Variants in MYO18A observed in about 807,000 individuals in gnomAD.
The protein encoded by MYO18A is unconventional myosin-XVIIIa.
A neutral mutation model predicts 235.8 loss-of-function variants in MYO18A; 78 were observed. The observed-to-expected ratio is 0.33, with a 90% confidence interval of 0.28 to 0.40. The LOEUF is 0.40. Among genes scored for constraint, MYO18A ranks in the 10% least tolerant of loss-of-function variants. The probability of loss-of-function intolerance (pLI) is 1.00; values close to 1 mark genes in which losing one functional copy is unlikely to be tolerated. For missense variants in MYO18A, 2,215 were observed against 2,699.3 expected (o/e 0.82, Z 3.98); for synonymous variants, 977 against 1,077.8 (o/e 0.91, Z 1.83).
chr17:29,091,271 A>C, intron 34 of MYO18A: 2 of 327,914 alleles, frequency 6.1e-6, no homozygotes, highest in Non-Finnish European at 5.9e-6. Context: ...GCCTGCGTGC[A>C]CTCTGCCCCC....
At chr17:29,114,528 C>A (rs951770841) in intron 14 of MYO18A, among the ~76,000 whole-genome samples, 1 of 152,216 alleles carries the variant, frequency 6.6e-6, no homozygotes. Context: ...CACCCTTTTA[C>A]AGAAGGCACT....
At chr17:29,179,869 C>G (rs957989875) in intron 1 of MYO18A, among the ~76,000 whole-genome samples, 9 of 152,112 alleles carry the variant, frequency 5.9e-5, no homozygotes, top group African/African-American at 2.2e-4. Context: ...TGCTCCCCTT[C>G]CCCGCTGCCT....
chr17:29,150,652 G>A (rs1264980889), intron 2 of MYO18A, among the ~76,000 whole-genome samples: 1 of 152,240 alleles, frequency 6.6e-6, no homozygotes, highest in Non-Finnish European at 1.5e-5. Context: ...GTAGCTACTA[G>A]CCATGAGTGG....
rs936841581 is a variant in MYO18A at position 29,090,941 on chromosome 17, A to G, written c.5188-15T>C. 5 of 1,608,904 alleles carry G rather than the reference A, an allele frequency of 3.1e-6. No individual in the cohort carries two copies. In the Admixed American group the frequency reaches 6.7e-5, roughly 21 times the overall value. On this transcript the variant is annotated splice_polypyrimidine_tract_variant and intron_variant, in intron 34 of 41. Transcript: ENST00000527372. The stretch of plus-strand genomic sequence containing the variant: ...TGCTCCTCCAGCTGGAGAGAGGCAA[A>G]GACAGATCAGAGGGCCTCAGGCCCA...
Position 29,106,961 on chromosome 17 carries a change from G to C in MYO18A, c.3441+119C>G. The C allele has an allele frequency of 1.0e-6, 1 of 973,354 alleles. No individual in the cohort carries two copies. Among genetic ancestry groups the C allele is most frequent in the South Asian group, 1.5e-5 (1 of 67,778 alleles). The allele number at this position is 973,354 out of a possible 1,614,324, so 60.3% of individuals were successfully genotyped here. A position where few individuals can be genotyped will look rare whatever the true frequency, so the allele number is the denominator to read the frequency against. Reference sequence around the variant, plus strand: ...GACACAGCTGGGTGCTTCCAAAACTGGGAGCCTGAGCAGGGCCAGATGAGC... The same window carrying C: ...GACACAGCTGGGTGCTTCCAAAACTCGGAGCCTGAGCAGGGCCAGATGAGC... On this transcript the variant is annotated intron_variant, in intron 20 of 41. Coordinates refer to ENST00000527372, the MANE Select transcript of MYO18A (RefSeq NM_078471.4). This position sits in a 1 kb window ranked among gnomAD's most constrained non-coding sequence, Gnocchi z 4.6.
intron 41 of MYO18A, 92 bp downstream of exon 41, chr17:29,082,224 C>T: frequency 6.5e-7 from 1 of 1,536,560 alleles, no homozygotes; most frequent in Non-Finnish European, 8.9e-7. Context: ...AGACAAGAGA[C>T]ACAGGCCTGC....
At chr17:29,113,586 C>G (rs775960505) in intron 15 of MYO18A, among the ~76,000 whole-genome samples, 14 of 152,208 alleles carry the variant, frequency 9.2e-5, no homozygotes, top group Admixed American at 9.2e-4. Context: ...TTGCACCAGT[C>G]CTCTACTTGG....
intron 2 of MYO18A, among the ~76,000 whole-genome samples, chr17:29,147,078 A>G (rs2067863096): frequency 6.6e-6 from 1 of 152,236 alleles, no homozygotes; most frequent in African/African-American, 2.4e-5. Context: ...GTGATCACAC[A>G]GATTGTGACT....
Position 29,150,683 on chromosome 17 carries a change from C to T in MYO18A, c.999+15259G>A, listed in dbSNP as rs573206509. 3.2e-4 allele frequency among the ~76,000 whole-genome samples: 48 copies of T among 152,308 alleles called. No individual in the cohort carries two copies. The Middle Eastern group carries it at 0.01, about 32-fold the overall frequency. ...AGTGGCTATTCAAATTGAAGCTGGC[C>T]GGGTGTTATGGCTCATGCCCATAAT... On this transcript the variant is annotated intron_variant, in intron 2 of 41. Coordinates refer to ENST00000527372, the MANE Select transcript of MYO18A (RefSeq NM_078471.4).
intron 2 of MYO18A, among the ~76,000 whole-genome samples, chr17:29,130,036 C>T (rs1308103023): frequency 1.3e-5 from 2 of 152,104 alleles, no homozygotes; most frequent in East Asian, 3.9e-4. Flanking sequence ...GTGGCTCACG[C>T]CTGTAATCCT....
At chr17:29,107,484 G>A (rs1053183573) in intron 19 of MYO18A, 1 of 337,302 alleles carries the variant, frequency 3.0e-6, no homozygotes. Context: ...ATGCAAATGG[G>A]GGGTTGTGGG....
At position 29,166,615 on chromosome 17, in the gene MYO18A, T is replaced by C. The variant is rs201816138; in HGVS notation, c.326A>G (p.Glu109Gly). ...CACCGAGCCACGGAAGCTACCCTCC[T>C]CACCCTTGAGGTCATCGCTGGAGCT... ...TASSSDDLKG[E>G]EGSFRGSVLQ... Residue 109 changes from glutamate (E) to glycine (G), a missense_variant, in exon 2 of 42, where the codon GAG becomes GGG. Transcript: ENST00000527372. 9.9e-6 allele frequency: 16 copies of C among 1,613,878 alleles called. No individual in the cohort carries two copies. In the Admixed American group the frequency reaches 2.2e-4, roughly 22 times the overall value.
chr17:29,132,423 C>T (rs550277419), intron 2 of MYO18A, among the ~76,000 whole-genome samples: 4 of 152,182 alleles, frequency 2.6e-5, no homozygotes, highest in Admixed American at 2.6e-4. Context: ...TCCTCTTTCC[C>T]GCGTCACCTA....
At chr17:29,082,519 T>G (rs2066146366) in intron 40 of MYO18A, 81 bp from the exon 41 acceptor site, 1 of 1,470,778 alleles carries the variant, frequency 6.8e-7, no homozygotes, top group Non-Finnish European at 9.2e-7. Context: ...GTGCAGGGGG[T>G]GTCTTGGGCA....
intron 1 of MYO18A, among the ~76,000 whole-genome samples, chr17:29,171,001 T>C (rs1306155709): frequency 6.6e-6 from 1 of 152,218 alleles, no homozygotes; most frequent in Non-Finnish European, 1.5e-5. Flanking sequence ...TCTCTTTATA[T>C]GAAGTTCTAG....
Position 29,111,924 on chromosome 17 carries a change from G to T in MYO18A, c.2599-61C>A. On this transcript the variant is annotated intron_variant, in intron 15 of 41. Coordinates refer to ENST00000527372, the MANE Select transcript of MYO18A (RefSeq NM_078471.4). This position sits in a 1 kb window ranked among gnomAD's most constrained non-coding sequence, Gnocchi z 5.1. ...GGAGCTGTGGGAAAGGGGCCAGGGT[G>T]GTGCCGGGCCCAAACACACCCTACA... 1 of 1,559,724 alleles carries T rather than the reference G, an allele frequency of 6.4e-7. No homozygotes were observed. Among genetic ancestry groups the T allele is most frequent in the South Asian group, 1.2e-5 (1 of 83,788 alleles).
chr17:29,110,177 C>A, intron 18 of MYO18A, 76 bp from the exon 19 acceptor site: 1 of 1,554,204 alleles, frequency 6.4e-7, no homozygotes, highest in Non-Finnish European at 8.7e-7. Context: ...GTGCCAGCGT[C>A]TCCACTGCTC....
At chr17:29,142,481 TG>T (rs778029663) in intron 2 of MYO18A, among the ~76,000 whole-genome samples, 22 of 152,304 alleles carry the variant, frequency 1.4e-4, no homozygotes, top group Admixed American at 3.3e-4. Context: ...TGGTACATAA[TG>T]TATGTGAAAG....
At chr17:29,122,310 A>C in intron 2 of MYO18A, 57 bp from the exon 3 acceptor site, 1 of 1,513,318 alleles carries the variant, frequency 6.6e-7, no homozygotes, top group Non-Finnish European at 9.0e-7. Flanking sequence ...GGACAAGGAC[A>C]GCCGTAGAGG....
Sources: allele counts gnomAD v4.1 joint callset (sites outside exome capture counted in the v4.1 genomes callset), GRCh38; gene constraint gnomAD v4.1.1; non-coding constraint Gnocchi (gnomAD v3.1); transcripts MANE v1.5; gene names NCBI Gene and HGNC (gene_info 2026-07-23, HGNC 2026-07-21).